TRPS1: variants seen among roughly 807,000 people sequenced by gnomAD.
TRPS1 encodes zinc finger transcription factor Trps1.
A neutral mutation model predicts 101.2 loss-of-function variants in TRPS1; 6 were observed. The ratio of observed to expected loss-of-function variants is 0.06; its 90% CI spans 0.03 to 0.12. The LOEUF (loss-of-function observed/expected upper bound fraction) is 0.12. TRPS1 is among the 10% of genes least tolerant of loss of function. The pLI, the probability that TRPS1 is intolerant of heterozygous loss-of-function variation, is 1.00. For synonymous variants in TRPS1, 578 were observed against 589.8 expected (o/e 0.98, Z 0.29); for missense variants, 1,363 against 1,567.0 (o/e 0.87, Z 2.20).
chr8:115,526,953 T>C (rs1816012083), intron 5 of TRPS1, among the ~76,000 whole-genome samples: 2 of 152,170 alleles, frequency 1.3e-5, no homozygotes, highest in African/African-American at 2.4e-5. Flanking sequence ...CTTCCTTTCA[T>C]AGATTTTTCC....
intron 5 of TRPS1, among the ~76,000 whole-genome samples, chr8:115,457,756 T>C (rs892449044): frequency 2.0e-5 from 3 of 152,068 alleles, no homozygotes; most frequent in Admixed American, 6.5e-5. Context: ...AAGGTGGAAA[T>C]GGTGACAAGA....
intron 5 of TRPS1, among the ~76,000 whole-genome samples, chr8:115,560,116 C>G (rs921981943): frequency 5.9e-5 from 9 of 151,950 alleles, no homozygotes; most frequent in African/African-American, 2.2e-4. Flanking sequence ...TGTTTGTTTT[C>G]AAAGTAGAGT....
At chr8:115,605,439 T>G (rs1295031691) in intron 3 of TRPS1, among the ~76,000 whole-genome samples, 1 of 152,128 alleles carries the variant, frequency 6.6e-6, no homozygotes, top group Non-Finnish European at 1.5e-5. Context: ...AATTACTCAA[T>G]GCAGATGTTC....
intron 5 of TRPS1, among the ~76,000 whole-genome samples, chr8:115,481,830 G>C (rs940845690): frequency 1.3e-5 from 2 of 152,134 alleles, no homozygotes; most frequent in Non-Finnish European, 2.9e-5. Context: ...TTCAGCCTTC[G>C]ATTATGAAGA....
chr8:115,487,233 C>A (rs1814904415), intron 5 of TRPS1, among the ~76,000 whole-genome samples: 1 of 151,370 alleles, frequency 6.6e-6, no homozygotes. Context: ...TATTTGAAGC[C>A]CATTGTTGAG....
At chr8:115,436,709 T>C (rs1813463636) in intron 5 of TRPS1, among the ~76,000 whole-genome samples, 1 of 152,152 alleles carries the variant, frequency 6.6e-6, no homozygotes, top group Non-Finnish European at 1.5e-5. Flanking sequence ...CCCTGGGATC[T>C]TGTCAAAATG....
chr8:115,656,812 A>T (rs1261584844), intron 1 of TRPS1, among the ~76,000 whole-genome samples: 4 of 152,152 alleles, frequency 2.6e-5, no homozygotes, highest in African/African-American at 9.7e-5. Context: ...AATAAAACAA[A>T]ATAAGTGCAA....
chr8:115,658,378 C>T (rs930973329), intron 1 of TRPS1, among the ~76,000 whole-genome samples: 1 of 152,018 alleles, frequency 6.6e-6, no homozygotes, highest in Non-Finnish European at 1.5e-5. Flanking sequence ...GCAAAGGGGT[C>T]AAAGTTTTCT....
chr8:115,645,516 G>A (rs1819004886), intron 1 of TRPS1, among the ~76,000 whole-genome samples: 1 of 151,988 alleles, frequency 6.6e-6, no homozygotes, highest in Admixed American at 6.6e-5. Context: ...AAGGTTCTGA[G>A]GTATTCAAAA....
At chr8:115,492,140 G>T in intron 5 of TRPS1, 1 of 454,946 alleles carries the variant, frequency 2.2e-6, no homozygotes, top group Non-Finnish European at 4.4e-6. Context: ...GTGACGTTTG[G>T]TTAGTCAGGA....
intron 3 of TRPS1, among the ~76,000 whole-genome samples, chr8:115,610,743 A>G (rs1483293868): frequency 6.6e-6 from 1 of 152,140 alleles, no homozygotes; most frequent in Admixed American, 6.5e-5. Context: ...TGGTTTTCTC[A>G]TTTTACTCAG....
In TRPS1 at chr8:115,467,296, T is replaced by A. The variant is rs7003903; in HGVS notation, c.2701-48844A>T. On this transcript the variant is annotated intron_variant, in intron 5 of 6. Transcript: ENST00000395715. ...GCAGCTCTGGCCTGTGGAAGGCAAG[T>A]GGCAAATGTAAGCTTTATGGCAAAA... 9.4e-3 allele frequency among the ~76,000 whole-genome samples: 1,425 copies of A among 152,196 alleles called. 17 individuals carry two copies. The highest frequency in any genetic ancestry group is 0.032 in the African/African-American group (1,349 of 41,518).
intron 5 of TRPS1, among the ~76,000 whole-genome samples, chr8:115,551,631 G>C (rs1816707514): frequency 1.3e-5 from 2 of 151,926 alleles, no homozygotes; most frequent in African/African-American, 4.8e-5. Flanking sequence ...GATGCTTCCA[G>C]GAAAATGAAT....
intron 5 of TRPS1, among the ~76,000 whole-genome samples, chr8:115,573,002 G>A (rs1321215681): frequency 2.0e-5 from 3 of 151,798 alleles, no homozygotes; most frequent in East Asian, 3.9e-4. Flanking sequence ...GCGTGGTGGC[G>A]CATCCCAGCT....
At chr8:115,489,996 T>G (rs995483441) in intron 5 of TRPS1, among the ~76,000 whole-genome samples, 3 of 152,092 alleles carry the variant, frequency 2.0e-5, no homozygotes, top group Admixed American at 1.3e-4. Flanking sequence ...TTTAGCTAAA[T>G]GTAAGAGTAG....
At chr8:115,509,660 A>G (rs534249371) in intron 5 of TRPS1, 1 of 152,182 alleles carries the variant, frequency 6.6e-6, no homozygotes, top group Admixed American at 6.6e-5. Context: ...AAGTTGATCC[A>G]TTTTGAGAAG....
At chr8:115,511,493 T>G (rs577612718) in intron 5 of TRPS1, among the ~76,000 whole-genome samples, 1 of 152,022 alleles carries the variant, frequency 6.6e-6, no homozygotes, top group South Asian at 2.1e-4. Context: ...ATTTCCTATC[T>G]TTTTCTTTCT....
rs1244865249 is a variant in TRPS1 at position 115,411,588 on chromosome 8, T to C, written c.*2435A>G. ...AATTGTCACCTCTCAAGTCTGGCTA[T>C]ACATTTTGAGATGCATCCATCAAAA... On this transcript the variant is annotated 3_prime_UTR_variant, in exon 7 of 7. Transcript: ENST00000395715. 1 of 152,508 alleles carries C rather than the reference T, an allele frequency of 6.6e-6. No individual in the cohort carries two copies. The highest frequency in any genetic ancestry group is 1.5e-5 in the Non-Finnish European group (1 of 67,976). 9.4% of individuals were successfully genotyped at this position (152,508 alleles called of 1,614,324 possible). A position where few individuals can be genotyped will look rare whatever the true frequency, so the allele number is the denominator to read the frequency against.
intron 1 of TRPS1, among the ~76,000 whole-genome samples, chr8:115,663,090 C>T (rs936039447): frequency 5.3e-5 from 8 of 152,012 alleles, no homozygotes; most frequent in Non-Finnish European, 8.8e-5. Context: ...GTTTAAGTTA[C>T]GGTAACCTGA....
Sources: gnomAD v4.1 joint callset for allele counts (sites outside exome capture counted in the v4.1 genomes callset) on GRCh38, gnomAD v4.1.1 for gene constraint, MANE v1.5 for transcripts, NCBI Gene and HGNC (gene_info 2026-07-23, HGNC 2026-07-21) for gene names.